Variants in SCHIP1 observed in about 807,000 individuals in gnomAD.
The protein encoded by SCHIP1 is schwannomin-interacting protein 1.
A neutral mutation model predicts 29.7 loss-of-function variants in SCHIP1; 8 were observed. That is an observed-to-expected ratio of 0.27 (90% CI 0.16 to 0.49). The LOEUF is 0.49. SCHIP1 is among the 20% of genes least tolerant of loss of function. The pLI is 0.99. For missense variants in SCHIP1, 193 were observed against 294.6 expected (o/e 0.66, Z 2.52); for synonymous variants, 76 against 94.9 (o/e 0.80, Z 1.16).
the SCHIP1 span, among the ~76,000 whole-genome samples, chr3:159,622,282 C>A: frequency 6.6e-6 from 1 of 152,180 alleles, no homozygotes; most frequent in Admixed American, 6.5e-5. Context: ...TCCAAGACAG[C>A]AATGTCAACA....
chr3:159,685,085 T>C, the SCHIP1 span, among the ~76,000 whole-genome samples: 8 of 152,134 alleles, frequency 5.3e-5, no homozygotes, highest in Non-Finnish European at 1.0e-4. Flanking sequence ...AACCAATATT[T>C]ATTGACCCAC....
At chr3:159,691,083 A>C in the SCHIP1 span, among the ~76,000 whole-genome samples, 2 of 152,282 alleles carry the variant, frequency 1.3e-5, no homozygotes, top group South Asian at 2.1e-4. Flanking sequence ...TTTGGGGTGG[A>C]GAGTTCTATA....
At chr3:159,669,894 G>A in the SCHIP1 span, among the ~76,000 whole-genome samples, 4 of 152,188 alleles carry the variant, frequency 2.6e-5, no homozygotes, top group African/African-American at 7.2e-5. Context: ...GAGCTGGTAG[G>A]AGGCATATGT....
chr3:159,836,915 G>T (rs1743718144), upstream of SCHIP1, among the ~76,000 whole-genome samples: 1 of 152,134 alleles, frequency 6.6e-6, no homozygotes, highest in Non-Finnish European at 1.5e-5. Context: ...ACACAAAGTT[G>T]TTTCCAATGA....
chr3:159,629,947 A>G, the SCHIP1 span, among the ~76,000 whole-genome samples: 4 of 152,180 alleles, frequency 2.6e-5, no homozygotes, highest in African/African-American at 7.2e-5. Flanking sequence ...GTGGCGGAAC[A>G]AAGCAGGAAC....
At chr3:159,530,172 A>G in the SCHIP1 span, among the ~76,000 whole-genome samples, 1 of 152,162 alleles carries the variant, frequency 6.6e-6, no homozygotes, top group Non-Finnish European at 1.5e-5. Flanking sequence ...AGGAACCTCC[A>G]TACTGTTTTC....
chr3:159,820,194 C>G, the SCHIP1 span, among the ~76,000 whole-genome samples: 2 of 152,130 alleles, frequency 1.3e-5, no homozygotes, highest in Admixed American at 1.3e-4. Flanking sequence ...AAAAAGACTT[C>G]TATGGCCCCA....
At chr3:159,358,661 GA>G in the SCHIP1 span, among the ~76,000 whole-genome samples, 1 of 152,132 alleles carries the variant, frequency 6.6e-6, no homozygotes, top group Non-Finnish European at 1.5e-5. Context: ...AAAGACTTTG[GA>G]GAGTTTCAAA....
chr3:159,740,628 A>G, the SCHIP1 span, among the ~76,000 whole-genome samples: 4 of 152,126 alleles, frequency 2.6e-5, no homozygotes, highest in East Asian at 5.8e-4. Context: ...TCCAAGAATT[A>G]AAAAAGCAAG....
the SCHIP1 span, among the ~76,000 whole-genome samples, chr3:159,426,738 A>G: frequency 1.1e-4 from 16 of 152,242 alleles, no homozygotes; most frequent in Non-Finnish European, 1.5e-4. Context: ...CCAAAAAAGA[A>G]AATTTTAGAC....
chr3:159,421,114 C>G, the SCHIP1 span, among the ~76,000 whole-genome samples: 4 of 152,158 alleles, frequency 2.6e-5, no homozygotes, highest in South Asian at 8.3e-4. Context: ...TCTCATTCCC[C>G]CTATGATCCT....
At chr3:159,466,066 G>T in the SCHIP1 span, among the ~76,000 whole-genome samples, 2 of 152,144 alleles carry the variant, frequency 1.3e-5, no homozygotes, top group East Asian at 3.9e-4. Flanking sequence ...TCTTTCAAAG[G>T]AGAACTATAT....
the SCHIP1 span, among the ~76,000 whole-genome samples, chr3:159,713,896 C>T: frequency 2.6e-5 from 4 of 152,202 alleles, no homozygotes; most frequent in Non-Finnish European, 4.4e-5. Context: ...TTACAAGCTT[C>T]GTGGTAATCT....
the SCHIP1 span, among the ~76,000 whole-genome samples, chr3:159,719,042 C>T: frequency 2.0e-5 from 3 of 152,068 alleles, no homozygotes; most frequent in Non-Finnish European, 4.4e-5. Context: ...GAGATATAGA[C>T]CAATGGAACA....
chr3:159,491,041 C>A, the SCHIP1 span, among the ~76,000 whole-genome samples: 1 of 152,176 alleles, frequency 6.6e-6, no homozygotes, highest in African/African-American at 2.4e-5. Context: ...TGGACATAGA[C>A]CTTTTGCAAA....
At chr3:159,295,232 A>G in the SCHIP1 span, among the ~76,000 whole-genome samples, 775 of 134,898 alleles carry the variant, frequency 5.7e-3, 4 homozygotes, top group African/African-American at 0.02. Flanking sequence ...CCTGGCCAAT[A>G]TGGTGAAATT....
At chr3:159,887,624 G>A (rs1717092793) in intron 3 of SCHIP1, 84 bp from the exon 5 acceptor site, 1 of 1,497,432 alleles carries the variant, frequency 6.7e-7, no homozygotes, top group East Asian at 2.3e-5. Context: ...CTGAGAGAAG[G>A]CTCAGAGGAT....
the SCHIP1 span, among the ~76,000 whole-genome samples, chr3:159,707,577 G>T: frequency 6.6e-6 from 1 of 152,088 alleles, no homozygotes; most frequent in Non-Finnish European, 1.5e-5. Flanking sequence ...TCCATTCTTG[G>T]ATCCTGAAAA....
the SCHIP1 span, among the ~76,000 whole-genome samples, chr3:159,582,787 T>TACACAC: frequency 0.15 from 21,421 of 144,058 alleles, 1,844 homozygotes; most frequent in Middle Eastern, 0.26. Flanking sequence ...AATATATATA[T>TACACAC]ACACACACAC....
Sources: gnomAD v4.1 joint callset for allele counts (sites outside exome capture counted in the v4.1 genomes callset) on GRCh38, gnomAD v4.1.1 for gene constraint, MANE v1.5 for transcripts, NCBI Gene and HGNC (gene_info 2026-07-23, HGNC 2026-07-21) for gene names.